The following CADM2 variants were observed in gnomAD, a reference collection of about 807,000 sequenced individuals.
CADM2 encodes the protein cell adhesion molecule 2, also known as immunoglobulin superfamily member 4D.
In CADM2, 12 loss-of-function variants were observed where a neutral mutation model predicts 49.8. The observed-to-expected ratio is 0.24, with a 90% CI of 0.15 to 0.39. The LOEUF is 0.39. Ranked by LOEUF, CADM2 falls within the 10% of genes least tolerant of loss-of-function variation. CADM2 has a pLI of 1.00. For missense variants in CADM2, 378 were observed against 492.3 expected (o/e 0.77, Z 2.20); for synonymous variants, 214 against 175.4 (o/e 1.22, Z -1.74).
intron 8 of CADM2, among the ~76,000 whole-genome samples, chr3:86,035,614 G>A (rs1735067391): frequency 1.3e-5 from 2 of 151,990 alleles, no homozygotes; most frequent in South Asian, 2.1e-4. Context: ...ATCTCATTAA[G>A]GTTTCTCTCA....
At chr3:85,070,809 G>T (rs934385950) in intron 1 of CADM2, among the ~76,000 whole-genome samples, 14 of 151,814 alleles carry the variant, frequency 9.2e-5, no homozygotes, top group African/African-American at 3.1e-4. Context: ...TGGCTAACAT[G>T]GTGAAATGTC....
Position 84,980,164 on chromosome 3 carries a change from C to G in CADM2, c.61+20496C>G, listed in dbSNP as rs186511462. On this transcript the variant is annotated intron_variant, in intron 1 of 9. Transcript: ENST00000383699. Reference sequence around the variant, plus strand: ...TTATAGGCGTTCTAGAAGGTCAGTCCTCAGACTAATTCACCGACAGCCCCA... The same window carrying G: ...TTATAGGCGTTCTAGAAGGTCAGTCGTCAGACTAATTCACCGACAGCCCCA... Among the ~76,000 whole-genome samples the G allele has an allele frequency of 3.9e-5, 6 of 152,250 alleles. No individual in the cohort carries two copies. The East Asian group carries it at 1.2e-3, about 29-fold the overall frequency.
intron 1 of CADM2, among the ~76,000 whole-genome samples, chr3:85,149,551 C>A (rs1274610137): frequency 6.6e-6 from 1 of 151,976 alleles, no homozygotes; most frequent in African/African-American, 2.4e-5. Context: ...AGGGTGAAAC[C>A]CCGTCTCTAC....
rs115310874 is a variant in CADM2 at position 85,217,766 on chromosome 3, A to T, written c.61+258098A>T. On this transcript the variant is annotated intron_variant, in intron 1 of 9. Coordinates refer to ENST00000383699, the MANE Select transcript of CADM2 (RefSeq NM_001167675.2). The stretch of plus-strand genomic sequence containing the variant: ...CTCATTCTCAATTTTCTTAAACCCC[A>T]TAAGAAACTGGGTTTAATGACAAAT... Among the ~76,000 whole-genome samples, 274 of 152,172 alleles carry T rather than the reference A, an allele frequency of 1.8e-3. 1 individual carries two copies. The highest frequency in any genetic ancestry group is 6.3e-3 in the African/African-American group (263 of 41,570).
At chr3:85,858,986 T>A (rs1316816751) in intron 3 of CADM2, among the ~76,000 whole-genome samples, 2 of 152,188 alleles carry the variant, frequency 1.3e-5, no homozygotes, top group Non-Finnish European at 2.9e-5. Context: ...TTTTAATACC[T>A]TCAAACAAGA....
At chr3:85,207,279 C>G (rs2041669201) in intron 1 of CADM2, among the ~76,000 whole-genome samples, 1 of 152,124 alleles carries the variant, frequency 6.6e-6, no homozygotes, top group Non-Finnish European at 1.5e-5. Flanking sequence ...TGTTCCAAAT[C>G]TCTCAGAAAA....
At chr3:85,232,436 T>A (rs1405808286) in intron 1 of CADM2, among the ~76,000 whole-genome samples, 1 of 152,104 alleles carries the variant, frequency 6.6e-6, no homozygotes, top group East Asian at 1.9e-4. Flanking sequence ...ATCTTCTTTT[T>A]GTACTCCTTT....
intron 1 of CADM2, among the ~76,000 whole-genome samples, chr3:85,025,758 C>T (rs757736335): frequency 6.6e-6 from 1 of 151,770 alleles, no homozygotes; most frequent in Non-Finnish European, 1.5e-5. Flanking sequence ...TGATAATAGA[C>T]GGAGTTTATA....
intron 1 of CADM2, among the ~76,000 whole-genome samples, chr3:85,435,935 T>G (rs758277157): frequency 3.9e-5 from 6 of 151,976 alleles, no homozygotes; most frequent in Non-Finnish European, 8.8e-5. Context: ...CTTTGTCAGA[T>G]GGATAGATTG....
At chr3:85,399,923 A>G (rs2035010146) in intron 1 of CADM2, among the ~76,000 whole-genome samples, 1 of 152,172 alleles carries the variant, frequency 6.6e-6, no homozygotes, top group Non-Finnish European at 1.5e-5. Flanking sequence ...AACAGGGACA[A>G]TTTGACTTCC....
intron 8 of CADM2, among the ~76,000 whole-genome samples, chr3:86,016,392 A>G (rs560703075): frequency 2.0e-5 from 3 of 152,294 alleles, no homozygotes; most frequent in African/African-American, 7.2e-5. Context: ...TAGATAAGAG[A>G]ATAAGAGAAA....
intron 1 of CADM2, among the ~76,000 whole-genome samples, chr3:85,531,724 A>G (rs754564995): frequency 2.0e-5 from 3 of 152,184 alleles, no homozygotes; most frequent in Non-Finnish European, 2.9e-5. Context: ...GTCTAAAAAT[A>G]TACCCATGAT....
At chr3:85,022,846 A>G (rs2034564165) in intron 1 of CADM2, among the ~76,000 whole-genome samples, 1 of 152,152 alleles carries the variant, frequency 6.6e-6, no homozygotes, top group South Asian at 2.1e-4. Context: ...TCTTAATCGT[A>G]CATTCAGTGT....
chr3:85,413,155 AAAAAAAAAT>A (rs1325346691), intron 1 of CADM2, among the ~76,000 whole-genome samples: 1 of 142,818 alleles, frequency 7.0e-6, no homozygotes, highest in Non-Finnish European at 1.5e-5. Context: ...AAAAAAAAAA[AAAAAAAAAT>A]AATAATAATA....
intron 6 of CADM2, among the ~76,000 whole-genome samples, chr3:85,915,244 T>A (rs796625368): frequency 1.3e-5 from 2 of 152,230 alleles, no homozygotes; most frequent in East Asian, 3.9e-4. Context: ...ATCTAATTTT[T>A]AAAGAAAGTT....
intron 1 of CADM2, among the ~76,000 whole-genome samples, chr3:85,542,709 T>G (rs539544506): frequency 3.9e-4 from 59 of 152,320 alleles, no homozygotes; most frequent in African/African-American, 1.4e-3. Flanking sequence ...AGAAAAACAT[T>G]ATCCCTATTG....
At chr3:86,065,581 A>G in intron 8 of CADM2, 24 bp from the exon 9 acceptor site, 2 of 1,602,484 alleles carry the variant, frequency 1.2e-6, no homozygotes. Context: ...ATTAAATAGA[A>G]CAATATTTTC....
At chr3:85,226,452 T>C (rs970632749) in intron 1 of CADM2, among the ~76,000 whole-genome samples, 2 of 152,280 alleles carry the variant, frequency 1.3e-5, no homozygotes, top group Middle Eastern at 3.4e-3. Flanking sequence ...TGTATTTCTG[T>C]GGGACTGGGG....
At chr3:85,968,734 G>A in intron 8 of CADM2, among the ~76,000 whole-genome samples, 2 of 151,752 alleles carry the variant, frequency 1.3e-5, no homozygotes, top group South Asian at 4.2e-4. Flanking sequence ...TTACCAAAAT[G>A]TACAGAGCTC....
Sources: allele counts gnomAD v4.1 joint callset (sites outside exome capture counted in the v4.1 genomes callset), GRCh38; gene constraint gnomAD v4.1.1; transcripts MANE v1.5; gene names NCBI Gene and HGNC (gene_info 2026-07-23, HGNC 2026-07-21).